Variants in GRXCR2 observed in about 807,000 individuals in gnomAD.
The protein encoded by GRXCR2 is glutaredoxin domain-containing cysteine-rich protein 2.
In GRXCR2, 23 loss-of-function variants were observed where a neutral mutation model predicts 24.8. The ratio of observed to expected loss-of-function variants is 0.93; its 90% CI spans 0.67 to 1.32. GRXCR2 has a LOEUF of 1.32. Among genes scored for constraint, GRXCR2 ranks in the 40% most tolerant of loss-of-function variants. GRXCR2 has a pLI of 0.00. For synonymous variants in GRXCR2, 130 were observed against 116.1 expected, an observed-to-expected ratio of 1.12 and a Z score of -0.77; for missense variants, 315 against 303.4, an observed-to-expected ratio of 1.04 and a Z score of -0.28.
intron 2 of GRXCR2, among the ~76,000 whole-genome samples, chr5:145,891,929 A>G (rs935397762): frequency 2.6e-5 from 4 of 152,142 alleles, no homozygotes; most frequent in African/African-American, 9.7e-5. Flanking sequence ...CTCCTCTGAG[A>G]CAAAACTTCC....
chr5:145,907,237 C>T (rs923468892), intron 2 of GRXCR2, among the ~76,000 whole-genome samples: 29 of 152,132 alleles, frequency 1.9e-4, no homozygotes, highest in African/African-American at 6.0e-4. Flanking sequence ...AGATTTAAAA[C>T]GATTGCCCTG....
At chr5:145,883,028 G>A (rs904345920) in intron 2 of GRXCR2, among the ~76,000 whole-genome samples, 27 of 130,810 alleles carry the variant, frequency 2.1e-4, no homozygotes, top group African/African-American at 7.0e-4. Flanking sequence ...GTTGTGGGGT[G>A]GGGGGAGGGG....
chr5:145,875,763 C>T (rs1490978084), upstream of GRXCR2, among the ~76,000 whole-genome samples: 10 of 152,154 alleles, frequency 6.6e-5, no homozygotes, highest in Admixed American at 6.5e-4. Flanking sequence ...TTGTCTGGGA[C>T]ACACCATCAA....
chr5:145,883,140 G>A (rs1756726809), intron 2 of GRXCR2, among the ~76,000 whole-genome samples: 1 of 151,696 alleles, frequency 6.6e-6, no homozygotes, highest in Admixed American at 6.6e-5. Context: ...CCTGCATGTT[G>A]TGCACTTGTC....
rs181281430 is a variant in GRXCR2 at position 145,880,261 on chromosome 5, T to C, written c.-69-13533A>G. ...AAAAAATCAATGAATCCAGGAGCTG[T>C]TTTTTCGAAAAGATCAACAAAATTG... On this transcript the variant is annotated intron_variant, in intron 2 of 3. Coordinates refer to the GRXCR2 transcript ENST00000639411. 4.6e-3 allele frequency among the ~76,000 whole-genome samples: 703 copies of C among 151,804 alleles called. 9 individuals are homozygous for C. Among genetic ancestry groups the C allele is most frequent in the African/African-American group, 0.016 (672 of 41,416 alleles).
In GRXCR2 at chr5:145,872,645, C is replaced by A; in HGVS notation, c.324G>T (p.Ala108=). Residue 108 remains alanine, a synonymous_variant, in exon 1 of 3, where the codon GCG becomes GCT. Coordinates refer to ENST00000377976, the MANE Select transcript of GRXCR2 (RefSeq NM_001080516.2). ...GCACAATACCAACCTTATGGTCATT[C>A]GCCTTGTAATCGTTGAACCGAGGCT... ...GGQPRFNDYK[A]NDHKPLPIID... 1 of 1,600,036 alleles carries A rather than the reference C, an allele frequency of 6.2e-7. No homozygotes were observed. The highest frequency in any genetic ancestry group is 8.5e-7 in the Non-Finnish European group (1 of 1,170,970).
intron 2 of GRXCR2, among the ~76,000 whole-genome samples, chr5:145,929,198 C>CATATATATATATATATATATAT (rs1554107328): frequency 0.014 from 1,205 of 88,056 alleles, 81 homozygotes; most frequent in South Asian, 0.035. Flanking sequence ...AATATTCCCC[C>CATATATATATATATATATATAT]CTATATATAT....
chr5:145,907,948 C>A (rs577877636), intron 2 of GRXCR2, among the ~76,000 whole-genome samples: 21 of 152,076 alleles, frequency 1.4e-4, no homozygotes, highest in Non-Finnish European at 2.5e-4. Context: ...AGTGGAGACA[C>A]GGAGTAGGTG....
rs759379225 is a variant in GRXCR2, at chr5:145,861,617, C to A, written c.565-1702G>T. ...TTGATTAGACAGGGAGCTCTCTGGA[C>A]TTGTACCATTTCATGATCACTTCCC... is the stretch of plus-strand genomic sequence containing the variant. On this transcript the variant is annotated intron_variant, in intron 2 of 2. Coordinates refer to ENST00000377976, the MANE Select transcript of GRXCR2 (RefSeq NM_001080516.2). Among the ~76,000 whole-genome samples, 5 of 152,128 alleles carry A rather than the reference C, an allele frequency of 3.3e-5. No homozygotes were observed. The South Asian group carries it at 1.0e-3, about 32-fold the overall frequency.
chr5:145,874,623 C>T (rs1756585331), upstream of GRXCR2, among the ~76,000 whole-genome samples: 1 of 152,228 alleles, frequency 6.6e-6, no homozygotes, highest in South Asian at 2.1e-4. Flanking sequence ...CTTCCCTACT[C>T]ACCCCCAATT....
chr5:145,922,063 A>T lies in GRXCR2; in HGVS notation c.-70+13638T>A, dbSNP rs372181346. Reference sequence around the variant, plus strand: ...GTCACTCCCTAAGTTACAGCTTGCCATTGGCTCTCTCAGTTGCTTTTTGGA... The same window carrying T: ...GTCACTCCCTAAGTTACAGCTTGCCTTTGGCTCTCTCAGTTGCTTTTTGGA... On this transcript the variant is annotated intron_variant, in intron 2 of 3. Transcript: ENST00000639411. 7.2e-5 allele frequency among the ~76,000 whole-genome samples: 11 copies of T among 152,298 alleles called. No individual in the cohort carries two copies. In the South Asian group the frequency reaches 2.3e-3, roughly 32 times the overall value.
At chr5:145,884,129 A>G (rs1445421286) in intron 2 of GRXCR2, among the ~76,000 whole-genome samples, 1 of 152,170 alleles carries the variant, frequency 6.6e-6, no homozygotes, top group African/African-American at 2.4e-5. Flanking sequence ...CCCACCTATG[A>G]AGTATTCTGG....
chr5:145,865,770 T>C (rs1459094448), intron 2 of GRXCR2, among the ~76,000 whole-genome samples: 1 of 152,168 alleles, frequency 6.6e-6, no homozygotes, highest in African/African-American at 2.4e-5. Flanking sequence ...AATCATGACT[T>C]TACATGATGT....
At chr5:145,866,970 A>G (rs1479458741) in intron 1 of GRXCR2, among the ~76,000 whole-genome samples, 5 of 152,148 alleles carry the variant, frequency 3.3e-5, no homozygotes, top group African/African-American at 9.7e-5. Flanking sequence ...TACTCAGAGT[A>G]TGAGAGTCTG....
upstream of GRXCR2, among the ~76,000 whole-genome samples, chr5:145,874,078 G>T (rs1262129330): frequency 2.6e-5 from 4 of 152,184 alleles, no homozygotes; most frequent in African/African-American, 9.6e-5. Context: ...GATGTGAGGA[G>T]CTGAAAGTGG....
At chr5:145,872,522 G>T in intron 1 of GRXCR2, 111 bp downstream of exon 1, 2 of 799,128 alleles carry the variant, frequency 2.5e-6, no homozygotes, top group Non-Finnish European at 3.9e-6. Context: ...CAACAGTTCT[G>T]GTTGGTACCG....
upstream of GRXCR2, among the ~76,000 whole-genome samples, chr5:145,875,568 G>C (rs776059195): frequency 6.6e-6 from 1 of 151,850 alleles, no homozygotes; most frequent in African/African-American, 2.4e-5. Context: ...ATAAAGAATA[G>C]TGAAGAGGTA....
chr5:145,917,154 A>C (rs2149927403), intron 2 of GRXCR2, among the ~76,000 whole-genome samples: 1 of 151,494 alleles, frequency 6.6e-6, no homozygotes, highest in African/African-American at 2.4e-5. Flanking sequence ...CATTATGTCA[A>C]GATGGACACG....
chr5:145,895,933 G>C (rs1305153719), intron 2 of GRXCR2, among the ~76,000 whole-genome samples: 1 of 152,146 alleles, frequency 6.6e-6, no homozygotes, highest in African/African-American at 2.4e-5. Flanking sequence ...CCAATACAGA[G>C]ATATAGAACA....
Sources: gnomAD v4.1 joint callset for allele counts (sites outside exome capture counted in the v4.1 genomes callset) on GRCh38, gnomAD v4.1.1 for gene constraint, MANE v1.5 for transcripts, NCBI Gene and HGNC (gene_info 2026-07-23, HGNC 2026-07-21) for gene names.